Variants in ACYP1 observed in about 807,000 individuals in gnomAD.
The protein encoded by ACYP1 is acylphosphatase-1.
Under a neutral mutation model 10.4 loss-of-function variants are expected in ACYP1, and 8 were observed. The ratio of observed to expected loss-of-function variants is 0.77; its 90% CI spans 0.45 to 1.38. The LOEUF is 1.38. ACYP1 is among the 40% of genes most tolerant of loss of function. The pLI is 0.00. For missense variants in ACYP1, 93 were observed against 117.3 expected, an observed-to-expected ratio of 0.79 and a Z score of 0.96; for synonymous variants, 38 against 40.8, an observed-to-expected ratio of 0.93 and a Z score of 0.26.
Position 75,062,236 on chromosome 14 carries a change from C to G in ACYP1, c.84+1234G>C, listed in dbSNP as rs181928162. ...ATCACTTGAGCCTGGGAGTTTGAGA[C>G]CAGCCTGGGCAACATAGCTCTCTGT... On this transcript the variant is annotated intron_variant, in intron 2 of 2. Coordinates refer to ENST00000238618, the MANE Select transcript of ACYP1 (RefSeq NM_001107.5). 3.0e-4 allele frequency among the ~76,000 whole-genome samples: 45 copies of G among 149,512 alleles called. 1 individual carries two copies. In the East Asian group the frequency reaches 8.6e-3, roughly 29 times the overall value.
In ACYP1 at chr14:75,053,256, T is replaced by A. The variant is rs994059051; in HGVS notation, c.*188A>T. ...GTACTCTAAGCAGAAGGTTCTAACG[T>A]TTTTATTGATTAGATTTGTGTACAG... On this transcript the variant is annotated 3_prime_UTR_variant, in exon 3 of 3. Transcript: ENST00000238618. The A allele has an allele frequency of 1.6e-6, 1 of 607,944 alleles. No homozygotes were observed. Among genetic ancestry groups the A allele is most frequent in the Admixed American group, 3.0e-5 (1 of 32,814 alleles). The allele number at this position is 607,944 out of a possible 1,614,324, so 37.7% of individuals were successfully genotyped here.
chr14:75,069,412 C>A, exon 1 of ACYP1: 1 of 794,540 alleles, frequency 1.3e-6, no homozygotes, highest in Non-Finnish European at 1.8e-6. Flanking sequence ...GAAGGAGCTC[C>A]AGAAAAGCCT....
intron 2 of ACYP1, among the ~76,000 whole-genome samples, chr14:75,055,988 T>C (rs1334600911): frequency 6.6e-6 from 1 of 151,386 alleles, no homozygotes; most frequent in African/African-American, 2.4e-5. Context: ...CTATGAACAA[T>C]TATATGCCAA....
intron 2 of ACYP1, among the ~76,000 whole-genome samples, chr14:75,058,685 T>C (rs1418181756): frequency 1.3e-5 from 2 of 151,328 alleles, no homozygotes; most frequent in African/African-American, 4.9e-5. Context: ...AATGGAATAG[T>C]ATTGAGAGTC....
At chr14:75,065,217 C>T (rs1209312634), upstream of ACYP1, among the ~76,000 whole-genome samples, 2 of 152,210 alleles carry the variant, frequency 1.3e-5, no homozygotes, top group Non-Finnish European at 2.9e-5. Context: ...GTTTATTGAT[C>T]CTCTGTGGAT....
intron 2 of ACYP1, 77 bp downstream of exon 2, chr14:75,063,393 C>A (rs755727942): frequency 1.6e-6 from 2 of 1,241,690 alleles, no homozygotes; most frequent in Non-Finnish European, 2.4e-6. Context: ...GCTTCTAGTT[C>A]ACATTTGTCA....
chr14:75,066,788 G>T (rs1451741798), upstream of ACYP1, among the ~76,000 whole-genome samples: 4 of 152,140 alleles, frequency 2.6e-5, no homozygotes, highest in Non-Finnish European at 4.4e-5. Flanking sequence ...AGAGGCAGAG[G>T]TTGCAGTGAG....
intron 2 of ACYP1, chr14:75,063,213 TG>T (rs1893071826): frequency 4.3e-6 from 2 of 463,196 alleles, no homozygotes; most frequent in Admixed American, 6.7e-5. Context: ...CTATTTCCCT[TG>T]GAAGAGAGAA....
intron 2 of ACYP1, chr14:75,061,721 C>T: frequency 1.3e-6 from 2 of 1,593,886 alleles, no homozygotes; most frequent in Non-Finnish European, 1.7e-6. Flanking sequence ...GAACACAGCT[C>T]TTGCTGTGAG....
At chr14:75,064,843 A>T (rs1247649084), upstream of ACYP1, among the ~76,000 whole-genome samples, 1 of 152,210 alleles carries the variant, frequency 6.6e-6, no homozygotes, top group Admixed American at 6.5e-5. Context: ...TTGGGTCATA[A>T]CAATCTGGAA....
At chr14:75,063,240 T>C in intron 2 of ACYP1, 1 of 519,800 alleles carries the variant, frequency 1.9e-6, no homozygotes, top group South Asian at 2.2e-5. Context: ...TTAATATGTG[T>C]ATCTAGATGC....
At chr14:75,056,854 G>A (rs964191431) in intron 2 of ACYP1, among the ~76,000 whole-genome samples, 26 of 151,722 alleles carry the variant, frequency 1.7e-4, no homozygotes, top group African/African-American at 6.3e-4. Context: ...ACTAGGAACA[G>A]AAGGAAACTT....
chr14:75,064,168 C>A, upstream of ACYP1: 1 of 350,158 alleles, frequency 2.9e-6, no homozygotes, highest in Non-Finnish European at 4.0e-6. Flanking sequence ...GTCCGGCAAC[C>A]CAAAAGCTTT....
chr14:75,067,544 A>G (rs1215941065), upstream of ACYP1, among the ~76,000 whole-genome samples: 1 of 152,210 alleles, frequency 6.6e-6, no homozygotes, highest in Non-Finnish European at 1.5e-5. Context: ...AAATGTGGAG[A>G]TTTCCATTAA....
At chr14:75,064,155 G>C, upstream of ACYP1, 1 of 465,852 alleles carries the variant, frequency 2.1e-6, no homozygotes, top group Non-Finnish European at 2.8e-6. Context: ...TCAGGACGCG[G>C]TTGTCCGGCA....
upstream of ACYP1, among the ~76,000 whole-genome samples, chr14:75,065,725 A>G (rs1893131692): frequency 6.6e-6 from 1 of 152,242 alleles, no homozygotes; most frequent in South Asian, 2.1e-4. Context: ...CTCATCAGGA[A>G]CCAGCCCTGT....
In ACYP1 at chr14:75,056,621, A is replaced by C. The variant is rs893291839; in HGVS notation, c.85-2962T>G. 3.3e-5 allele frequency among the ~76,000 whole-genome samples: 5 copies of C among 151,494 alleles called. 1 individual carries two copies. Among genetic ancestry groups the C allele is most frequent in the African/African-American group, 1.2e-4 (5 of 40,884 alleles). ...CAATATCTCTTATGAACAGAGATGC[A>C]AAAATCATCAGCAAAATACTAGCAA... On this transcript the variant is annotated intron_variant, in intron 2 of 2. Coordinates refer to ENST00000238618, the MANE Select transcript of ACYP1 (RefSeq NM_001107.5).
intron 2 of ACYP1, chr14:75,059,799 A>G (rs1356462071): frequency 6.5e-6 from 1 of 153,422 alleles, no homozygotes; most frequent in African/African-American, 2.4e-5. Context: ...AATTGTTTTT[A>G]CTTTCATGAT....
At chr14:75,054,607 C>G (rs550888769) in intron 2 of ACYP1, among the ~76,000 whole-genome samples, 2 of 151,552 alleles carry the variant, frequency 1.3e-5, no homozygotes, top group South Asian at 4.2e-4. Context: ...GATTGCATGT[C>G]AAAATGTGGG....
Sources: gnomAD v4.1 joint callset for allele counts (sites outside exome capture counted in the v4.1 genomes callset) on GRCh38, gnomAD v4.1.1 for gene constraint, MANE v1.5 for transcripts, NCBI Gene and HGNC (gene_info 2026-07-23, HGNC 2026-07-21) for gene names.